The following TANC1 variants were observed in gnomAD, a reference collection of about 807,000 sequenced individuals.
TANC1 encodes tetratricopeptide repeat, ankyrin repeat and coiled-coil containing 1, also known as protein TANC1.
In TANC1, 77 loss-of-function variants were observed where a neutral mutation model predicts 149.7. The observed-to-expected ratio is 0.51, with a 90% CI of 0.43 to 0.62. TANC1 has a LOEUF of 0.62. Ranked by LOEUF, TANC1 falls within the 20% of genes least tolerant of loss-of-function variation. The pLI is 0.00. For synonymous variants in TANC1, 854 were observed against 925.0 expected, an observed-to-expected ratio of 0.92 and a Z score of 1.39; for missense variants, 1,985 against 2,321.8, an observed-to-expected ratio of 0.85 and a Z score of 2.98.
At chr2:159,204,116 G>A (rs990034259) in intron 19 of TANC1, among the ~76,000 whole-genome samples, 1 of 152,226 alleles carries the variant, frequency 6.6e-6, no homozygotes, top group Admixed American at 6.5e-5. Context: ...ACATGTGACA[G>A]GTGGCCACCA....
chr2:159,162,128 A>G (rs62171110), intron 7 of TANC1, among the ~76,000 whole-genome samples: 4,395 of 152,326 alleles, frequency 0.029, 84 homozygotes, highest in Non-Finnish European at 0.046. Context: ...TTACTTCTAA[A>G]CCGTAAAGAA....
intron 19 of TANC1, among the ~76,000 whole-genome samples, chr2:159,216,696 C>G (rs566005225): frequency 5.3e-5 from 8 of 152,156 alleles, no homozygotes; most frequent in Non-Finnish European, 1.0e-4. Flanking sequence ...TAGCTGACTT[C>G]CCGCAGCACC....
chr2:159,035,838 T>TA (rs1296034168), intron 2 of TANC1, among the ~76,000 whole-genome samples: 1 of 152,182 alleles, frequency 6.6e-6, no homozygotes, highest in Non-Finnish European at 1.5e-5. Flanking sequence ...CTGCTGCCCT[T>TA]ACAGAAGTTT....
At chr2:158,979,330 T>C (rs894960499) in intron 1 of TANC1, among the ~76,000 whole-genome samples, 3 of 150,952 alleles carry the variant, frequency 2.0e-5, no homozygotes, top group African/African-American at 7.3e-5. Context: ...CTCTACAAAA[T>C]TTTTTTTTAA....
intron 10 of TANC1, among the ~76,000 whole-genome samples, chr2:159,171,567 T>C (rs1051260832): frequency 6.6e-6 from 1 of 152,086 alleles, no homozygotes; most frequent in Non-Finnish European, 1.5e-5. Flanking sequence ...AAGGCTGCAG[T>C]GAGCTGGGAT....
intron 7 of TANC1, among the ~76,000 whole-genome samples, chr2:159,159,404 C>T (rs1044214882): frequency 3.4e-5 from 5 of 148,874 alleles, no homozygotes; most frequent in Admixed American, 6.7e-5. Context: ...AGCACCACTG[C>T]ACTCCAGCCT....
intron 2 of TANC1, among the ~76,000 whole-genome samples, chr2:159,014,611 G>C (rs182553720): frequency 6.6e-6 from 1 of 152,146 alleles, no homozygotes; most frequent in Non-Finnish European, 1.5e-5. Flanking sequence ...ATAGTCCAAA[G>C]TCTTATCTGA....
chr2:159,032,921 C>T (rs552924108), intron 2 of TANC1, among the ~76,000 whole-genome samples: 1 of 152,228 alleles, frequency 6.6e-6, no homozygotes, highest in East Asian at 1.9e-4. Context: ...TGATAGGCCT[C>T]CCCCTTTTTT....
intron 26 of TANC1, among the ~76,000 whole-genome samples, chr2:159,229,200 C>CT (rs1398977528): frequency 6.6e-6 from 1 of 152,110 alleles, no homozygotes; most frequent in Admixed American, 6.5e-5. Context: ...AAACTGCCAA[C>CT]TAGGGACATT....
intron 7 of TANC1, 119 bp downstream of exon 7, chr2:159,150,675 T>A (rs2052692525): frequency 1.4e-6 from 1 of 729,788 alleles, no homozygotes; most frequent in African/African-American, 1.7e-5. Flanking sequence ...CAGCGCCTGC[T>A]CTGTTCTTTG....
chr2:159,145,217 C>CA (rs1397732546), intron 5 of TANC1, among the ~76,000 whole-genome samples: 1 of 152,090 alleles, frequency 6.6e-6, no homozygotes, highest in Non-Finnish European at 1.5e-5. Flanking sequence ...AGTGAGTTTA[C>CA]AAAAACCTAT....
intron 2 of TANC1, among the ~76,000 whole-genome samples, chr2:159,017,287 T>C (rs1312190637): frequency 1.3e-5 from 2 of 152,214 alleles, no homozygotes; most frequent in East Asian, 1.9e-4. Context: ...GGGTTGGTAC[T>C]CAGAATGTAA....
intron 2 of TANC1, among the ~76,000 whole-genome samples, chr2:159,064,266 C>G (rs911336524): frequency 1.3e-5 from 2 of 152,110 alleles, no homozygotes; most frequent in Admixed American, 1.3e-4. Context: ...TTAGTGTTTG[C>G]CCTTTAGGTG....
intron 5 of TANC1, among the ~76,000 whole-genome samples, chr2:159,143,986 A>G (rs1443880555): frequency 6.6e-6 from 1 of 151,302 alleles, no homozygotes; most frequent in African/African-American, 2.4e-5. Flanking sequence ...AGTATGATAA[A>G]TGTCAATAGA....
intron 5 of TANC1, among the ~76,000 whole-genome samples, chr2:159,146,830 C>T (rs1217682315): frequency 1.3e-5 from 2 of 152,052 alleles, no homozygotes; most frequent in Non-Finnish European, 2.9e-5. Flanking sequence ...CGTGAGCCAC[C>T]GCACCCGGCT....
rs771284844 is a variant in TANC1 at position 159,227,943 on chromosome 2, C to T, written c.4028C>T (p.Ser1343Leu). The T allele has an allele frequency of 1.3e-5, 21 of 1,612,784 alleles. 1 individual carries two copies. The highest frequency in any genetic ancestry group is 1.7e-4 in the Middle Eastern group (1 of 5,742). Residue 1343 changes from serine (S) to leucine (L), a missense_variant, in exon 25 of 27, where the codon TCG becomes TTG. Physicochemically the swap from Ser to Leu is moderately radical, Grantham distance 145. This residue lies in a region of TANC1 where 920 missense variants were observed against 994.7 expected (regional missense o/e 0.92). Coordinates refer to ENST00000263635, the MANE Select transcript of TANC1 (RefSeq NM_033394.3). ...ELRVSLYLNL[S>L]RCRRKTNDFG... Reference sequence around the variant, plus strand: ...AGGGTTTCCCTCTATCTCAATTTGTCGCGATGCCGAAGAAAAACAAATGTA... The same window carrying T: ...AGGGTTTCCCTCTATCTCAATTTGTTGCGATGCCGAAGAAAAACAAATGTA...
At chr2:159,131,935 C>T (rs1036596915) in intron 4 of TANC1, among the ~76,000 whole-genome samples, 4 of 152,194 alleles carry the variant, frequency 2.6e-5, no homozygotes, top group African/African-American at 9.7e-5. Flanking sequence ...GATGCATAAA[C>T]GATTTGCTGC....
In TANC1 at chr2:159,067,585, C is replaced by G. The variant is rs921891528; in HGVS notation, c.61+1614C>G. On this transcript the variant is annotated intron_variant, in intron 3 of 26. Transcript: ENST00000263635. ...TCTGAAAGCTGTTTAAAAATAATAA[C>G]AACAAAAAACTTTTTCAGTTTTGGC... 2.0e-5 allele frequency among the ~76,000 whole-genome samples: 3 copies of G among 152,166 alleles called. 1 individual carries two copies. Among genetic ancestry groups the G allele is most frequent in the Non-Finnish European group, 4.4e-5 (3 of 68,002 alleles).
At chr2:159,056,096 C>A (rs1031995616) in intron 2 of TANC1, 3 of 289,246 alleles carry the variant, frequency 1.0e-5, no homozygotes, top group Non-Finnish European at 2.1e-5. Context: ...AAAGCCTCAA[C>A]GGCACATGAA....
Sources: gnomAD v4.1 joint callset for allele counts (sites outside exome capture counted in the v4.1 genomes callset) on GRCh38, gnomAD v4.1.1 for gene constraint, gnomAD v4.1.1 regional missense constraint, MANE v1.5 for transcripts, NCBI Gene and HGNC (gene_info 2026-07-23, HGNC 2026-07-21) for gene names.